CDK8: variants seen among roughly 807,000 people sequenced by gnomAD.
The protein encoded by CDK8 is cyclin dependent kinase 8.
CDK8 carries 29 observed loss-of-function variants against 71.5 expected under a neutral mutation model. The observed-to-expected ratio is 0.41, with a 90% CI of 0.30 to 0.55. The LOEUF (loss-of-function observed/expected upper bound fraction) is 0.55. Ranked by LOEUF, CDK8 falls within the 20% of genes least tolerant of loss-of-function variation. CDK8 has a pLI of 0.37. For missense variants in CDK8, 288 were observed against 572.6 expected (o/e 0.50, Z 5.07); for synonymous variants, 161 against 192.1 (o/e 0.84, Z 1.34).
At chr13:26,260,354 T>C (rs1315276126) in intron 1 of CDK8, among the ~76,000 whole-genome samples, 1 of 152,198 alleles carries the variant, frequency 6.6e-6, no homozygotes. Context: ...TTTTCAATCA[T>C]GAGAACATTG....
At chr13:26,269,738 T>TA in intron 1 of CDK8, among the ~76,000 whole-genome samples, 1 of 152,216 alleles carries the variant, frequency 6.6e-6, no homozygotes. Flanking sequence ...TCACTGAATT[T>TA]AAAATGTGCT....
Position 26,401,380 on chromosome 13 carries a change from T to G in CDK8, c.1110+33T>G. The G allele has an allele frequency of 1.9e-6, 3 of 1,611,314 alleles. No individual in the cohort carries two copies. The highest frequency in any genetic ancestry group is 2.5e-6 in the Non-Finnish European group (3 of 1,177,620). ...TTAAAGTACTGTTAGCAGCTTCTTG[T>G]TTCGTGAATGCCTCCATAACATTTT... On this transcript the variant is annotated intron_variant, in intron 11 of 12. Coordinates refer to ENST00000381527, the MANE Select transcript of CDK8 (RefSeq NM_001260.3). The surrounding 1 kb of genome is among the most constrained non-coding windows in gnomAD (Gnocchi z 4.5).
At chr13:26,344,042 A>G (rs1377308440) in intron 2 of CDK8, among the ~76,000 whole-genome samples, 1 of 151,618 alleles carries the variant, frequency 6.6e-6, no homozygotes, top group Non-Finnish European at 1.5e-5. Context: ...CCTTCCCCCA[A>G]CCTCACCCTC....
At chr13:26,288,682 C>G (rs1356353226) in intron 1 of CDK8, among the ~76,000 whole-genome samples, 1 of 151,944 alleles carries the variant, frequency 6.6e-6, no homozygotes, top group Non-Finnish European at 1.5e-5. Flanking sequence ...AACATCTTTC[C>G]AATACTGAAA....
chr13:26,399,154 C>T (rs1303334078), intron 9 of CDK8, among the ~76,000 whole-genome samples: 7 of 151,596 alleles, frequency 4.6e-5, no homozygotes, highest in Non-Finnish European at 8.8e-5. Context: ...GGATTACAGG[C>T]GCCTGCCACC....
intron 4 of CDK8, among the ~76,000 whole-genome samples, chr13:26,364,348 T>C (rs1395992068): frequency 3.3e-5 from 5 of 152,226 alleles, no homozygotes; most frequent in Admixed American, 3.3e-4. Flanking sequence ...TTTGTCATTA[T>C]TGTCATGTAA....
chr13:26,323,031 A>G (rs906918274), intron 1 of CDK8, among the ~76,000 whole-genome samples: 3 of 152,284 alleles, frequency 2.0e-5, no homozygotes, highest in Middle Eastern at 3.4e-3. Flanking sequence ...CAATAGGTAC[A>G]TAGAATTGAG....
At chr13:26,302,400 A>T (rs1873864877) in intron 1 of CDK8, among the ~76,000 whole-genome samples, 2 of 152,168 alleles carry the variant, frequency 1.3e-5, no homozygotes, top group African/African-American at 4.8e-5. Flanking sequence ...ATTGATATGG[A>T]TCTGGGAGCC....
intron 2 of CDK8, among the ~76,000 whole-genome samples, 200 bp from the exon 3 acceptor site, chr13:26,348,872 A>G (rs990931027): frequency 1.3e-5 from 2 of 152,218 alleles, no homozygotes; most frequent in African/African-American, 4.8e-5. Context: ...TTACTCAGAT[A>G]ATACCTGTTC....
intron 1 of CDK8, among the ~76,000 whole-genome samples, chr13:26,311,939 A>G (rs1874300864): frequency 6.6e-6 from 1 of 152,192 alleles, no homozygotes; most frequent in Non-Finnish European, 1.5e-5. Context: ...AATCAGGAAG[A>G]ATAGACATTG....
chr13:26,341,419 C>G (rs1163605039), intron 2 of CDK8, among the ~76,000 whole-genome samples: 2 of 152,134 alleles, frequency 1.3e-5, no homozygotes, highest in African/African-American at 4.8e-5. Context: ...GCCATCGTGC[C>G]CGGCCAAGCA....
chr13:26,379,197 C>A (rs1385541271), intron 4 of CDK8, among the ~76,000 whole-genome samples: 1 of 152,186 alleles, frequency 6.6e-6, no homozygotes, highest in African/African-American at 2.4e-5. Context: ...GCACTTAAGA[C>A]CATTGTCTTT....
Position 26,268,256 on chromosome 13 carries a change from A to AACACACACACACAC in CDK8, c.128+13527_128+13540dup, listed in dbSNP as rs3027999. Reference sequence around the variant, plus strand: ...TGAAAGTTTTGCTCCCCCCTCCCCCAACACACACACACACACACACACACA... The same window carrying AACACACACACACAC: ...TGAAAGTTTTGCTCCCCCCTCCCCCAACACACACACACACACACACACACACACACACACACACA... On this transcript the variant is annotated intron_variant, in intron 1 of 12. Transcript: ENST00000381527. Among the ~76,000 whole-genome samples, 82 of 116,794 alleles carry AACACACACACACAC rather than the reference A, an allele frequency of 7.0e-4. 3 individuals are homozygous for AACACACACACACAC. The highest frequency in any genetic ancestry group is 2.6e-3 in the African/African-American group (74 of 28,244). 76.6% of individuals were successfully genotyped at this position (116,794 alleles called of 152,430 possible).
intron 1 of CDK8, among the ~76,000 whole-genome samples, chr13:26,334,161 G>T (rs1419536125): frequency 6.6e-6 from 1 of 152,090 alleles, no homozygotes; most frequent in Non-Finnish European, 1.5e-5. Flanking sequence ...TTGAATATTA[G>T]AATTTTTTTA....
At chr13:26,375,213 TAGTTC>T (rs1565991486) in intron 4 of CDK8, among the ~76,000 whole-genome samples, 1 of 152,216 alleles carries the variant, frequency 6.6e-6, no homozygotes, top group Admixed American at 6.5e-5. Flanking sequence ...TGATCATTGT[TAGTTC>T]AGAGATCATA....
chr13:26,254,773 A>T lies in CDK8; in HGVS notation c.128+4A>T. On this transcript the variant is annotated splice_donor_region_variant and intron_variant, in intron 1 of 12. Coordinates refer to ENST00000381527, the MANE Select transcript of CDK8 (RefSeq NM_001260.3). The surrounding 1 kb of genome is among the most constrained non-coding windows in gnomAD (Gnocchi z 6.7). ...ACAAAGCCAAGAGGAAAGATGGGTG[A>T]GTGTGTGTGTCTGGGCCGGTGTCCG... is the stretch of plus-strand genomic sequence containing the variant. 1 of 1,611,532 alleles carries T rather than the reference A, an allele frequency of 6.2e-7. No individual in the cohort carries two copies. Among genetic ancestry groups the T allele is most frequent in the Non-Finnish European group, 8.5e-7 (1 of 1,178,766 alleles).
intron 1 of CDK8, among the ~76,000 whole-genome samples, chr13:26,307,278 T>G (rs1188883073): frequency 6.6e-6 from 1 of 152,204 alleles, no homozygotes; most frequent in East Asian, 1.9e-4. Flanking sequence ...TTCTGGATTA[T>G]GTAGATTGGC....
intron 1 of CDK8, among the ~76,000 whole-genome samples, chr13:26,303,554 C>G (rs533415109): frequency 6.6e-6 from 1 of 152,110 alleles, no homozygotes; most frequent in Admixed American, 6.6e-5. Context: ...TGAGCCACCA[C>G]GCCTGGCCTA....
chr13:26,286,677 G>C (rs774686889), intron 1 of CDK8, among the ~76,000 whole-genome samples: 2 of 152,166 alleles, frequency 1.3e-5, no homozygotes, highest in Non-Finnish European at 2.9e-5. Flanking sequence ...AAACGAAAAA[G>C]CTTCTGCACA....
Sources: gnomAD v4.1 joint callset for allele counts (sites outside exome capture counted in the v4.1 genomes callset) on GRCh38, gnomAD v4.1.1 for gene constraint, Gnocchi (gnomAD v3.1) non-coding constraint, MANE v1.5 for transcripts, NCBI Gene and HGNC (gene_info 2026-07-23, HGNC 2026-07-21) for gene names.